ANXA4: variants seen among roughly 807,000 people sequenced by gnomAD.
The protein encoded by ANXA4 is 35-beta calcimedin.
Under a neutral mutation model 49.8 loss-of-function variants are expected in ANXA4, and 39 were observed. That is an observed-to-expected ratio of 0.78 (90% confidence interval 0.61 to 1.02). The LOEUF is 1.02. Among genes scored for constraint, ANXA4 ranks in the 50% least tolerant of loss-of-function variants. The probability of loss-of-function intolerance (pLI) is 0.00; values close to 1 mark genes in which losing one functional copy is unlikely to be tolerated. For missense variants in ANXA4, 360 were observed against 410.1 expected (o/e 0.88, Z 1.05); for synonymous variants, 134 against 152.5 (o/e 0.88, Z 0.89).
chr2:69,663,882 G>A (rs1311063180), intron 2 of ANXA4, among the ~76,000 whole-genome samples: 1 of 152,090 alleles, frequency 6.6e-6, no homozygotes, highest in African/African-American at 2.4e-5. Context: ...TGGGAAACAG[G>A]GGAAGAAATG....
chr2:69,692,463 A>C (rs891212835), intron 2 of ANXA4, among the ~76,000 whole-genome samples: 1 of 152,184 alleles, frequency 6.6e-6, no homozygotes, highest in Non-Finnish European at 1.5e-5. Context: ...TTATTTTTTA[A>C]GACTCAATGC....
At chr2:69,645,321 AG>A (rs1675966363) in intron 1 of ANXA4, among the ~76,000 whole-genome samples, 2 of 152,226 alleles carry the variant, frequency 1.3e-5, no homozygotes, top group Admixed American at 1.3e-4. Context: ...GAATTCATGT[AG>A]CCACCTCCAG....
intron 3 of ANXA4, among the ~76,000 whole-genome samples, chr2:69,795,213 G>A (rs1051692739): frequency 5.9e-5 from 9 of 152,190 alleles, no homozygotes; most frequent in African/African-American, 2.2e-4. Flanking sequence ...CTTTGACAGT[G>A]CTTGTCCAAA....
chr2:69,707,680 C>T (rs1489846797), intron 2 of ANXA4, among the ~76,000 whole-genome samples: 1 of 152,210 alleles, frequency 6.6e-6, no homozygotes, highest in Non-Finnish European at 1.5e-5. Context: ...ACAATCGCAT[C>T]ATATAAAATG....
intron 1 of ANXA4, among the ~76,000 whole-genome samples, chr2:69,767,986 A>G (rs779379665): frequency 6.6e-6 from 1 of 152,002 alleles, no homozygotes; most frequent in Non-Finnish European, 1.5e-5. Context: ...GTACACATAT[A>G]TAATATTCAT....
intron 2 of ANXA4, among the ~76,000 whole-genome samples, chr2:69,783,738 T>C (rs2103676913): frequency 6.6e-6 from 1 of 152,248 alleles, no homozygotes; most frequent in African/African-American, 2.4e-5. Flanking sequence ...AGCTCCTCCA[T>C]GCCCGTTTCA....
At chr2:69,716,674 C>T (rs28520601) in intron 2 of ANXA4, among the ~76,000 whole-genome samples, 11,253 of 152,026 alleles carry the variant, frequency 0.074, 1,418 homozygotes, top group African/African-American at 0.26. Context: ...AGGAGGGCAG[C>T]GGATTAGTTA....
At chr2:69,666,445 A>G (rs1186250012) in intron 2 of ANXA4, among the ~76,000 whole-genome samples, 1 of 152,246 alleles carries the variant, frequency 6.6e-6, no homozygotes, top group African/African-American at 2.4e-5. Flanking sequence ...TCAAAAGGTT[A>G]AACAGTATCA....
At chr2:69,701,998 G>A (rs751840703) in intron 2 of ANXA4, among the ~76,000 whole-genome samples, 14 of 152,030 alleles carry the variant, frequency 9.2e-5, no homozygotes, top group Non-Finnish European at 1.8e-4. Context: ...TCTTCTTGCT[G>A]TTTACTTTTT....
intron 2 of ANXA4, among the ~76,000 whole-genome samples, chr2:69,712,391 G>C (rs969776990): frequency 1.3e-5 from 2 of 152,192 alleles, no homozygotes; most frequent in Non-Finnish European, 2.9e-5. Context: ...TATTCACTCC[G>C]AGTCTAAGCA....
chr2:69,684,413 T>C (rs1284421865), intron 2 of ANXA4, among the ~76,000 whole-genome samples: 1 of 152,184 alleles, frequency 6.6e-6, no homozygotes, highest in Non-Finnish European at 1.5e-5. Flanking sequence ...AATTTGGGTG[T>C]TACAGTCTTT....
intron 1 of ANXA4, among the ~76,000 whole-genome samples, chr2:69,774,366 TTCGCTC>T: frequency 8.4e-6 from 1 of 119,348 alleles, no homozygotes; most frequent in Non-Finnish European, 1.7e-5. Context: ...GAGACAGAGT[TTCGCTC>T]TTGTTGCCCA....
Position 69,778,980 on chromosome 2 carries a change from C to T in ANXA4, c.-46-2540C>T, listed in dbSNP as rs188273153. ...GGGTATGGTGATACATGCCTGTAATCCATCTGTAATCCATCTACCAGGGAG... is the reference window on the plus strand; with the variant it reads ...GGGTATGGTGATACATGCCTGTAATTCATCTGTAATCCATCTACCAGGGAG... On this transcript the variant is annotated intron_variant, in intron 1 of 12. Coordinates refer to ENST00000394295, the MANE Select transcript of ANXA4 (RefSeq NM_001153.5). Among the ~76,000 whole-genome samples the T allele has an allele frequency of 2.0e-3, 307 of 150,574 alleles. 2 individuals are homozygous for T. Among genetic ancestry groups the T allele is most frequent in the South Asian group, 0.013 (60 of 4,782 alleles).
Position 69,671,884 on chromosome 2 carries a change from A to G in ANXA4, n.766+18602A>G, listed in dbSNP as rs555588304. ...ACAAGTGTTGATAAGATGTGGAGCA[A>G]CTAGAACTCTCATTCACTGCAACTG... On this transcript the variant is annotated intron_variant and non_coding_transcript_variant, in intron 2 of 3. Coordinates refer to the ANXA4 transcript ENST00000418066. 4.5e-4 allele frequency among the ~76,000 whole-genome samples: 68 copies of G among 152,330 alleles called. 1 individual carries two copies. The highest frequency in any genetic ancestry group is 1.6e-3 in the African/African-American group (65 of 41,580).
chr2:69,725,578 A>G (rs1431071210), intron 3 of ANXA4, among the ~76,000 whole-genome samples: 2 of 152,120 alleles, frequency 1.3e-5, no homozygotes, highest in African/African-American at 2.4e-5. Context: ...CACCGCCCCC[A>G]TTAGGACACA....
chr2:69,746,280 G>A (rs1670609322), intron 1 of ANXA4, among the ~76,000 whole-genome samples: 1 of 152,118 alleles, frequency 6.6e-6, no homozygotes. Context: ...AAAGTGCTGG[G>A]ATTACAGATG....
upstream of ANXA4, chr2:69,742,081 C>G (rs572907697): frequency 2.0e-5 from 3 of 152,382 alleles, no homozygotes; most frequent in South Asian, 4.1e-4. Context: ...CTCCACCCCA[C>G]AGTGGGGCGG....
intron 3 of ANXA4, among the ~76,000 whole-genome samples, chr2:69,791,861 C>T (rs1447324176): frequency 1.3e-5 from 2 of 152,082 alleles, no homozygotes; most frequent in African/African-American, 2.4e-5. Context: ...ATACAATTGA[C>T]AAAGAAATTT....
intron 12 of ANXA4, 147 bp from the exon 13 acceptor site, chr2:69,825,309 A>AC: frequency 1.5e-6 from 1 of 654,334 alleles, no homozygotes; most frequent in Non-Finnish European, 2.7e-6. Context: ...TACACTGAAT[A>AC]AGTATTACCT....
Sources: gnomAD v4.1 joint callset for allele counts (sites outside exome capture counted in the v4.1 genomes callset) on GRCh38, gnomAD v4.1.1 for gene constraint, MANE v1.5 for transcripts, NCBI Gene and HGNC (gene_info 2026-07-23, HGNC 2026-07-21) for gene names.